The following SNAP91 variants were observed in gnomAD, a reference collection of about 807,000 sequenced individuals.
SNAP91 encodes the protein clathrin coat assembly protein AP180.
Under a neutral mutation model 100.3 loss-of-function variants are expected in SNAP91, and 27 were observed. The ratio of observed to expected loss-of-function variants is 0.27; its 90% confidence interval spans 0.20 to 0.37. The LOEUF is 0.37. SNAP91 is among the 10% of genes least tolerant of loss of function. The probability of loss-of-function intolerance (pLI) is 1.00; values close to 1 mark genes in which losing one functional copy is unlikely to be tolerated. For missense variants in SNAP91, 986 were observed against 1,123.7 expected, an observed-to-expected ratio of 0.88 and a Z score of 1.75; for synonymous variants, 404 against 398.6, an observed-to-expected ratio of 1.01 and a Z score of -0.16.
At chr6:83,643,966 C>T (rs187112544) in intron 7 of SNAP91, among the ~76,000 whole-genome samples, 2 of 152,264 alleles carry the variant, frequency 1.3e-5, no homozygotes, top group Admixed American at 1.3e-4. Flanking sequence ...TGCTATAAGA[C>T]GAAAGTCTTT....
chr6:83,569,165 G>T (rs1802171095), intron 26 of SNAP91, among the ~76,000 whole-genome samples: 1 of 152,202 alleles, frequency 6.6e-6, no homozygotes, highest in African/African-American at 2.4e-5. Flanking sequence ...CCTGTATATT[G>T]TGGTGTAAAA....
chr6:83,580,968 T>G (rs965198805), intron 23 of SNAP91, among the ~76,000 whole-genome samples: 2 of 152,240 alleles, frequency 1.3e-5, no homozygotes, highest in Admixed American at 6.5e-5. Context: ...ATACATGGCT[T>G]TGTTGTAAAC....
At chr6:83,645,041 T>C (rs1332651113) in intron 7 of SNAP91, among the ~76,000 whole-genome samples, 7 of 152,086 alleles carry the variant, frequency 4.6e-5, no homozygotes, top group Admixed American at 4.6e-4. Flanking sequence ...CTTTGGCCCT[T>C]ATTAGGAACG....
rs1168992585 is a variant in SNAP91, at chr6:83,665,434, T to C, written c.273+5A>G. 2 of 1,609,624 alleles carry C rather than the reference T, an allele frequency of 1.2e-6. No homozygotes were observed. The highest frequency in any genetic ancestry group is 2.2e-5 in the East Asian group (1 of 44,774). ...ATCAAAAAAAGAAAAGTTTACTTAG[T>C]TTACCTCATTTCCATGCACCATGAG... On this transcript the variant is annotated splice_donor_5th_base_variant and intron_variant, in intron 3 of 29. Coordinates refer to ENST00000369694, the MANE Select transcript of SNAP91 (RefSeq NM_001242792.2).
At chr6:83,635,021 A>G (rs995519336) in intron 8 of SNAP91, among the ~76,000 whole-genome samples, 1 of 151,976 alleles carries the variant, frequency 6.6e-6, no homozygotes, top group Non-Finnish European at 1.5e-5. Flanking sequence ...TTATGATTTG[A>G]TTTTTTTGAT....
At position 83,593,559 on chromosome 6, in the gene SNAP91, C is replaced by T; in HGVS notation, c.1615G>A (p.Ala539Thr). ...VAAAAAATTA[A>T]TAAATTTTTT... ...GTAGTGGTGGTGGCAGCGGCGGTGG[C>T]AGCAGTAGTGGCAGCAGCAGCAGCT... The change falls in exon 18 of 30, where the codon GCC (alanine) becomes ACC (threonine). Residue 539 changes from alanine to threonine, a missense_variant. Physicochemically the swap from Ala to Thr is moderately conservative, Grantham distance 58. Transcript: ENST00000369694. 6.4e-7 allele frequency: 1 copy of T among 1,555,746 alleles called. No individual in the cohort carries two copies. The highest frequency in any genetic ancestry group is 8.7e-7 in the Non-Finnish European group (1 of 1,148,822).
chr6:83,573,985 C>T (rs537537620), intron 26 of SNAP91, among the ~76,000 whole-genome samples: 1 of 152,116 alleles, frequency 6.6e-6, no homozygotes, highest in African/African-American at 2.4e-5. Context: ...TTCTGCACAG[C>T]AAAAGAAACT....
At chr6:83,695,276 C>CAAAAAAAAAA (rs56103542) in intron 2 of SNAP91, among the ~76,000 whole-genome samples, 1 of 67,316 alleles carries the variant, frequency 1.5e-5, no homozygotes, top group African/African-American at 6.7e-5. Flanking sequence ...GGCTCCATCT[C>CAAAAAAAAAA]AAAAAAAAAA....
intron 22 of SNAP91, among the ~76,000 whole-genome samples, chr6:83,582,918 A>C (rs1479771694): frequency 6.6e-6 from 1 of 152,100 alleles, no homozygotes; most frequent in Non-Finnish European, 1.5e-5. Context: ...TCTAGTCTAG[A>C]TCTCCTCCAA....
chr6:83,640,572 T>A (rs2097654442), intron 8 of SNAP91, among the ~76,000 whole-genome samples: 1 of 152,198 alleles, frequency 6.6e-6, no homozygotes, highest in South Asian at 2.1e-4. Flanking sequence ...ACAGGTATTC[T>A]AATCAAGTAT....
At chr6:83,693,168 C>T (rs994884380) in intron 2 of SNAP91, among the ~76,000 whole-genome samples, 6 of 152,146 alleles carry the variant, frequency 3.9e-5, no homozygotes, top group African/African-American at 1.4e-4. Context: ...CAGTTAGGAC[C>T]GCTGAAGAAA....
chr6:83,588,217 C>T (rs942093840), intron 22 of SNAP91, among the ~76,000 whole-genome samples: 2 of 152,106 alleles, frequency 1.3e-5, no homozygotes, highest in African/African-American at 2.4e-5. Context: ...ATTACAAGAA[C>T]TGTTTTGAAA....
chr6:83,657,675 T>A (rs2098439830), intron 6 of SNAP91, among the ~76,000 whole-genome samples: 2 of 152,204 alleles, frequency 1.3e-5, no homozygotes, highest in African/African-American at 4.8e-5. Flanking sequence ...AAATCTTTGT[T>A]GTAGGCAACT....
intron 9 of SNAP91, among the ~76,000 whole-genome samples, chr6:83,619,109 G>T (rs577824066): frequency 2.2e-4 from 27 of 122,154 alleles, no homozygotes; most frequent in Admixed American, 5.7e-4. Flanking sequence ...ATAAGTAGAA[G>T]TCACAAAAAA....
chr6:83,593,694 C>A lies in SNAP91; in HGVS notation c.1480G>T (p.Asp494Tyr). The A allele has an allele frequency of 6.2e-7, 1 of 1,608,282 alleles. No homozygotes were observed. Among genetic ancestry groups the A allele is most frequent in the Non-Finnish European group, 8.5e-7 (1 of 1,175,540 alleles). Residue 494 changes from aspartate to tyrosine, a missense_variant, in exon 18 of 30, where the codon GAC becomes TAC. Asp to Tyr is a radical substitution (Grantham distance 160). Around this residue, in one of 4 missense-constraint regions of SNAP91, gnomAD observed 575 missense variants for 579.9 expected, o/e 0.99. Transcript: ENST00000369694. ...EGSAEAAPEL[D>Y]LFAMKPPETS... is the part of the protein sequence containing the mutation. ...TCAGGTGGCTTCATTGCAAAGAGGT[C>A]CAGCTCAGGTGCAGCCTCTGCACTA... is the stretch of plus-strand genomic sequence containing the variant.
At chr6:83,689,815 T>G (rs925591159) in intron 2 of SNAP91, among the ~76,000 whole-genome samples, 5 of 152,180 alleles carry the variant, frequency 3.3e-5, no homozygotes, top group Non-Finnish European at 5.9e-5. Flanking sequence ...AAACATTTTA[T>G]TTCTTCATGT....
intron 28 of SNAP91, 97 bp from the exon 29 acceptor site, chr6:83,556,342 G>GGAGAGAGA (rs1184252930): frequency 7.1e-4 from 14 of 19,740 alleles, no homozygotes; most frequent in East Asian, 2.3e-3. Context: ...AGGGAGAGGG[G>GGAGAGAGA]GAGAGAGAGA....
chr6:83,624,866 C>T (rs2096871125), intron 8 of SNAP91, among the ~76,000 whole-genome samples: 1 of 152,020 alleles, frequency 6.6e-6, no homozygotes, highest in South Asian at 2.1e-4. Flanking sequence ...CTGCAACTAC[C>T]AAATATTATT....
At position 83,662,330 on chromosome 6, in the gene SNAP91, A is replaced by C. The variant is rs769983385; in HGVS notation, c.349+17T>G. 1 of 1,293,472 alleles carries C rather than the reference A, an allele frequency of 7.7e-7. No homozygotes were observed. Among genetic ancestry groups the C allele is most frequent in the Admixed American group, 3.0e-5 (1 of 33,616 alleles). 80.1% of individuals were successfully genotyped at this position (1,293,472 alleles called of 1,614,324 possible). A position where few individuals can be genotyped will look rare whatever the true frequency, so the allele number is the denominator to read the frequency against. ...TCAAAGCATTGGCAAAAAATTATAA[A>C]ATACAAATATTCTCACCATGGGATC... On this transcript the variant is annotated intron_variant, in intron 4 of 29. Coordinates refer to ENST00000369694, the MANE Select transcript of SNAP91 (RefSeq NM_001242792.2).
Sources: gnomAD v4.1 joint callset for allele counts (sites outside exome capture counted in the v4.1 genomes callset) on GRCh38, gnomAD v4.1.1 for gene constraint, gnomAD v4.1.1 regional missense constraint, MANE v1.5 for transcripts, NCBI Gene and HGNC (gene_info 2026-07-23, HGNC 2026-07-21) for gene names.